The following NUP88 variants were observed in gnomAD, a reference collection of about 807,000 sequenced individuals.
NUP88 encodes nucleoporin 88, also known as nuclear pore complex protein Nup88.
In NUP88, 57 loss-of-function variants were observed where a neutral mutation model predicts 93.9. That is an observed-to-expected ratio of 0.61 (90% CI 0.49 to 0.76). The LOEUF (loss-of-function observed/expected upper bound fraction) is 0.76. Ranked by LOEUF, NUP88 falls within the 30% of genes least tolerant of loss-of-function variation. The pLI is 0.00. For synonymous variants in NUP88, 346 were observed against 336.8 expected (o/e 1.03, Z -0.30); for missense variants, 911 against 901.0 (o/e 1.01, Z -0.14).
intron 5 of NUP88, among the ~76,000 whole-genome samples, chr17:5,406,800 TATC>T (rs1350280601): frequency 6.6e-6 from 1 of 151,736 alleles, no homozygotes; most frequent in African/African-American, 2.4e-5. Context: ...CGCAAACAAA[TATC>T]ATAATGTTCT....
Position 5,385,836 on chromosome 17 carries a change from C to T in NUP88, c.*370G>A, listed in dbSNP as rs2144753594. ...CACTGTGTGGTCTTCTCCTTTGAAT[C>T]CTAGGGTTCTATCCCTCTTCAGAGT... On this transcript the variant is annotated 3_prime_UTR_variant, in exon 17 of 17. Coordinates refer to ENST00000573584, the MANE Select transcript of NUP88 (RefSeq NM_002532.6). The T allele has an allele frequency of 3.9e-6, 1 of 256,062 alleles. No individual in the cohort carries two copies. Among genetic ancestry groups the T allele is most frequent in the Non-Finnish European group, 7.4e-6 (1 of 134,386 alleles). 15.9% of individuals were successfully genotyped at this position (256,062 alleles called of 1,614,324 possible). A position where few individuals can be genotyped will look rare whatever the true frequency, so the allele number is the denominator to read the frequency against.
chr17:5,399,616 ATGAG>A lies in NUP88; in HGVS notation c.1223_1226del (p.Thr408MetfsTer10). 9 of 1,608,622 alleles carry A rather than the reference ATGAG, an allele frequency of 5.6e-6. No homozygotes were observed. Among genetic ancestry groups the A allele is most frequent in the Non-Finnish European group, 7.7e-6 (9 of 1,175,912 alleles). On this transcript the variant is annotated frameshift_variant, in exon 8 of 17. Coordinates refer to ENST00000573584, the MANE Select transcript of NUP88 (RefSeq NM_002532.6). LOFTEE classifies it high-confidence loss of function. ...GCCCAACACTATGTACACCAGCTTC[ATGAG>A]TACAGTGATATCTTGAAGGACACTT...
Position 5,414,036 on chromosome 17 carries a change from A to G in NUP88, c.566T>C (p.Val189Ala). 6.2e-7 allele frequency: 1 copy of G among 1,613,988 alleles called. No individual in the cohort carries two copies. Among genetic ancestry groups the G allele is most frequent in the Non-Finnish European group, 8.5e-7 (1 of 1,179,872 alleles). ...YPSEILDPHV[V>A]LLTSDNVIRI... The stretch of plus-strand genomic sequence containing the variant: ...GATTACGTTGTCTGATGTTAACAGC[A>G]CTACGTGGGGATCCAGGATTTCACT... The change falls in exon 3 of 17, where the codon GTG becomes GCG. Residue 189 changes from valine (V) to alanine (A), a missense_variant. Physicochemically the swap from Val to Ala is moderately conservative, Grantham distance 64. Transcript: ENST00000573584.
At chr17:5,400,873 G>A (rs949600023) in intron 7 of NUP88, among the ~76,000 whole-genome samples, 20 of 151,962 alleles carry the variant, frequency 1.3e-4, no homozygotes, top group Non-Finnish European at 2.8e-4. Flanking sequence ...TTTCAGTTTT[G>A]GATGCTCTTT....
chr17:5,392,667 A>G (rs1404885034), intron 9 of NUP88, among the ~76,000 whole-genome samples: 1 of 152,218 alleles, frequency 6.6e-6, no homozygotes, highest in Non-Finnish European at 1.5e-5. Flanking sequence ...TCCCCAGAGA[A>G]GTAGCCGCTA....
At chr17:5,394,061 G>A (rs1306689180) in intron 9 of NUP88, among the ~76,000 whole-genome samples, 2 of 152,144 alleles carry the variant, frequency 1.3e-5, no homozygotes, top group Non-Finnish European at 2.9e-5. Flanking sequence ...GGGACATCTG[G>A]AGTTTTATGT....
chr17:5,403,688 AT>A (rs2151641995), intron 7 of NUP88, among the ~76,000 whole-genome samples: 2 of 152,172 alleles, frequency 1.3e-5, no homozygotes, highest in Admixed American at 1.3e-4. Context: ...AACAAAATCC[AT>A]TTGGTCTGTC....
In NUP88 at chr17:5,385,314, A is replaced by G. The variant is rs543289799; in HGVS notation, c.*892T>C. The G allele has an allele frequency of 8.6e-6, 2 of 231,266 alleles. No homozygotes were observed. Among genetic ancestry groups the G allele is most frequent in the East Asian group, 1.2e-4 (2 of 16,264 alleles). 14.3% of individuals were successfully genotyped at this position (231,266 alleles called of 1,614,324 possible). Reference sequence around the variant, plus strand: ...AGGATTTAGCCCTTCTAGGCAAAAGAAAAGCTCAGTTGGGTTTCACGAGTG... The same window carrying G: ...AGGATTTAGCCCTTCTAGGCAAAAGGAAAGCTCAGTTGGGTTTCACGAGTG... On this transcript the variant is annotated 3_prime_UTR_variant, in exon 17 of 17. Transcript: ENST00000573584.
At chr17:5,386,344 G>A (rs1911974733) in intron 16 of NUP88, 75 bp from the exon 17 acceptor site, 2 of 1,163,632 alleles carry the variant, frequency 1.7e-6, no homozygotes, top group South Asian at 1.4e-5. Flanking sequence ...ATTTAAACTG[G>A]TAATGTTGAA....
chr17:5,419,552 G>C lies in NUP88; in HGVS notation c.99C>G (p.Asn33Lys), dbSNP rs748424341. The C allele has an allele frequency of 5.0e-6, 8 of 1,613,144 alleles. No homozygotes were observed. In the East Asian group the frequency reaches 1.8e-4, roughly 36 times the overall value. Residue 33 changes from asparagine (N) to lysine (K), a missense_variant, in exon 1 of 17, where the codon AAC (asparagine) becomes AAG (lysine). Coordinates refer to ENST00000573584, the MANE Select transcript of NUP88 (RefSeq NM_002532.6). Reference protein sequence around the residue: ...VFLRLREGLKNQSPTEAEKPA... With the variant: ...VFLRLREGLKKQSPTEAEKPA... ...GTTTCTCAGCTTCGGTTGGACTCTG[G>C]TTTTTCAGTCCCTCCCGGAGCCGCA...
At chr17:5,409,259 A>T (rs1913682209) in intron 4 of NUP88, among the ~76,000 whole-genome samples, 1 of 151,998 alleles carries the variant, frequency 6.6e-6, no homozygotes, top group Non-Finnish European at 1.5e-5. Flanking sequence ...CTGTAGTCCC[A>T]GCTACTTGGG....
chr17:5,397,181 A>C (rs1490830486), intron 8 of NUP88, among the ~76,000 whole-genome samples: 6 of 152,084 alleles, frequency 3.9e-5, no homozygotes, highest in Non-Finnish European at 8.8e-5. Context: ...CTCTACAAAA[A>C]ACACAAAAAT....
intron 5 of NUP88, among the ~76,000 whole-genome samples, chr17:5,406,429 C>T (rs1045591236): frequency 1.7e-4 from 26 of 152,188 alleles, no homozygotes; most frequent in African/African-American, 6.0e-4. Flanking sequence ...AGTACACAGT[C>T]TTGTGTGCTA....
At chr17:5,391,383 A>G (rs1912405808) in intron 10 of NUP88, 178 bp downstream of exon 10, 5 of 560,360 alleles carry the variant, frequency 8.9e-6, no homozygotes, top group Middle Eastern at 4.9e-4. Context: ...TATACCTACA[A>G]TGAAACCTTA....
Position 5,388,904 on chromosome 17 carries a change from A to AT in NUP88, c.1540_1541insA (p.Val514AspfsTer11). 1 of 1,614,042 alleles carries AT rather than the reference A, an allele frequency of 6.2e-7. No homozygotes were observed. Among genetic ancestry groups the AT allele is most frequent in the Non-Finnish European group, 8.5e-7 (1 of 1,179,928 alleles). ...CAGAACACGGAGGGGAGACTCTGCCACTTCAACATCTTCTCGAGTACAAAG... is the reference window on the plus strand; with the variant it reads ...CAGAACACGGAGGGGAGACTCTGCCATCTTCAACATCTTCTCGAGTACAAAG... On this transcript the variant is annotated frameshift_variant, in exon 11 of 17. Coordinates refer to ENST00000573584, the MANE Select transcript of NUP88 (RefSeq NM_002532.6). LOFTEE classifies it high-confidence loss of function.
At position 5,387,912 on chromosome 17, in the gene NUP88, A is replaced by T; in HGVS notation, c.1644-8T>A. 1.2e-6 allele frequency: 2 copies of T among 1,611,186 alleles called. No homozygotes were observed. Among genetic ancestry groups the T allele is most frequent in the Non-Finnish European group, 1.7e-6 (2 of 1,178,998 alleles). On this transcript the variant is annotated splice_region_variant and splice_polypyrimidine_tract_variant and intron_variant, in intron 11 of 16. Coordinates refer to ENST00000573584, the MANE Select transcript of NUP88 (RefSeq NM_002532.6). ...ATGTCCTTTTCAGAAGCTCTTAAAA[A>T]CAAAGTTTCTACCTTTATTTTCCTT...
intron 1 of NUP88, among the ~76,000 whole-genome samples, chr17:5,417,294 T>G (rs1332556070): frequency 6.6e-6 from 1 of 152,152 alleles, no homozygotes; most frequent in African/African-American, 2.4e-5. Flanking sequence ...CATTTCTGTA[T>G]GCTGGACATA....
At chr17:5,415,570 T>C (rs1385610056) in intron 2 of NUP88, among the ~76,000 whole-genome samples, 1 of 152,224 alleles carries the variant, frequency 6.6e-6, no homozygotes, top group Non-Finnish European at 1.5e-5. Flanking sequence ...TTCTACCTTA[T>C]ACAGATGATC....
In NUP88 at chr17:5,399,587, G is replaced by T; in HGVS notation, c.1256C>A (p.Thr419Asn). 1 of 1,609,442 alleles carries T rather than the reference G, an allele frequency of 6.2e-7. No individual in the cohort carries two copies. The highest frequency in any genetic ancestry group is 8.5e-7 in the Non-Finnish European group (1 of 1,177,040). The change falls in exon 8 of 17, where the codon ACT becomes AAT. Residue 419 changes from threonine to asparagine, a missense_variant. By Grantham distance (65) the Thr-to-Asn change is moderately conservative. Coordinates refer to ENST00000573584, the MANE Select transcript of NUP88 (RefSeq NM_002532.6). The part of the protein sequence containing the change: ...HEAGVHSVGL[T>N]WIHKLHKFLG... ...AAATTTGTGAAGTTTATGAATCCAAGTTAGCCCAACACTATGTACACCAGC... is the reference window on the plus strand; with the variant it reads ...AAATTTGTGAAGTTTATGAATCCAATTTAGCCCAACACTATGTACACCAGC...
Sources: gnomAD v4.1 joint callset for allele counts (sites outside exome capture counted in the v4.1 genomes callset) on GRCh38, gnomAD v4.1.1 for gene constraint, MANE v1.5 for transcripts, NCBI Gene and HGNC (gene_info 2026-07-23, HGNC 2026-07-21) for gene names.